The following MACROD2 variants were observed in gnomAD, a reference collection of about 807,000 sequenced individuals.
The protein encoded by MACROD2 is ADP-ribose glycohydrolase MACROD2.
Under a neutral mutation model 70.4 loss-of-function variants are expected in MACROD2, and 36 were observed. The ratio of observed to expected loss-of-function variants is 0.51; its 90% CI spans 0.39 to 0.68. The LOEUF (loss-of-function observed/expected upper bound fraction) is 0.68, where lower values mean the gene tolerates loss of function less well. Among genes scored for constraint, MACROD2 ranks in the 30% least tolerant of loss-of-function variants. The probability of loss-of-function intolerance (pLI) is 0.00; values close to 1 mark genes in which losing one functional copy is unlikely to be tolerated. For synonymous variants in MACROD2, 172 were observed against 178.8 expected (o/e 0.96, Z 0.30); for missense variants, 496 against 538.4 (o/e 0.92, Z 0.78).
chr20:15,321,631 C>A (rs985863109), intron 6 of MACROD2, among the ~76,000 whole-genome samples: 8 of 144,466 alleles, frequency 5.5e-5, no homozygotes, highest in African/African-American at 2.0e-4. Context: ...AATTAGGTGT[C>A]CTCCTTGATT....
At chr20:15,337,636 C>T (rs775971947) in intron 6 of MACROD2, among the ~76,000 whole-genome samples, 4 of 151,572 alleles carry the variant, frequency 2.6e-5, no homozygotes, top group Admixed American at 6.6e-5. Context: ...AAAATTTACT[C>T]TCAACTTTCA....
In MACROD2 at chr20:15,603,504, C is replaced by CA. The variant is rs35734719; in HGVS notation, c.645+103675dup. The stretch of plus-strand genomic sequence containing the variant: ...GCCTGGGTGACAGAGTGAGACGTCT[C>CA]AAAAAAAAAAAAAAAAAAGATATAA... On this transcript the variant is annotated intron_variant, in intron 8 of 17. Transcript: ENST00000684519. Among the ~76,000 whole-genome samples the CA allele has an allele frequency of 9.5e-3, 932 of 97,824 alleles. 14 individuals carry two copies. Among genetic ancestry groups the CA allele is most frequent in the Middle Eastern group, 0.014 (3 of 214 alleles). 64.2% of individuals were successfully genotyped at this position (97,824 alleles called of 152,430 possible). A position where few individuals can be genotyped will look rare whatever the true frequency, so the allele number is the denominator to read the frequency against.
chr20:15,543,109 C>T (rs182497565), intron 8 of MACROD2, among the ~76,000 whole-genome samples: 9 of 152,262 alleles, frequency 5.9e-5, no homozygotes, highest in East Asian at 3.9e-4. Flanking sequence ...TGGAGCTTCC[C>T]GGAATGTTTT....
intron 5 of MACROD2, among the ~76,000 whole-genome samples, chr20:14,822,519 G>C (rs985322304): frequency 6.6e-6 from 1 of 152,120 alleles, no homozygotes; most frequent in Non-Finnish European, 1.5e-5. Context: ...GGTCTGGAGA[G>C]TGAAAGTGTT....
intron 9 of MACROD2, 103 bp from the exon 10 acceptor site, chr20:15,885,661 C>T: frequency 9.3e-7 from 1 of 1,079,852 alleles, no homozygotes; most frequent in South Asian, 2.0e-5. Context: ...TTCTACTGAT[C>T]TGTTATCCCT....
intron 10 of MACROD2, among the ~76,000 whole-genome samples, chr20:15,898,735 A>T (rs2065014654): frequency 6.6e-6 from 1 of 151,892 alleles, no homozygotes; most frequent in Non-Finnish European, 1.5e-5. Flanking sequence ...CAAAGCAAAT[A>T]CTGATTTCAG....
rs2067473759 is a variant in MACROD2 at position 16,052,662 on chromosome 20, A to G, written c.*2786A>G. On this transcript the variant is annotated 3_prime_UTR_variant, in exon 18 of 18. Transcript: ENST00000684519. ...ATCACTGTCTGTGATACTGGGTCAC[A>G]TATTAATCACTGCAGCTAATTGTAA... 1 of 152,684 alleles carries G rather than the reference A, an allele frequency of 6.5e-6. No homozygotes were observed. Among genetic ancestry groups the G allele is most frequent in the Non-Finnish European group, 1.5e-5 (1 of 68,044 alleles). 9.5% of individuals were successfully genotyped at this position (152,684 alleles called of 1,614,324 possible).
At chr20:14,553,177 CT>C (rs1310620322) in intron 4 of MACROD2, among the ~76,000 whole-genome samples, 2 of 149,382 alleles carry the variant, frequency 1.3e-5, no homozygotes, top group Admixed American at 1.3e-4. Flanking sequence ...ATTAAAATTT[CT>C]TTTTTTTTAC....
chr20:15,283,500 C>T (rs1021946604), intron 6 of MACROD2, among the ~76,000 whole-genome samples: 1 of 151,976 alleles, frequency 6.6e-6, no homozygotes. Flanking sequence ...TGGTGAAACT[C>T]CATCTCTACT....
chr20:16,004,470 C>G (rs2066759587), intron 15 of MACROD2, among the ~76,000 whole-genome samples: 1 of 152,208 alleles, frequency 6.6e-6, no homozygotes, highest in African/African-American at 2.4e-5. Context: ...ATGCCAGGGC[C>G]ACGACTACTC....
intron 5 of MACROD2, among the ~76,000 whole-genome samples, chr20:15,011,318 G>T (rs565484612): frequency 6.6e-6 from 1 of 152,130 alleles, no homozygotes; most frequent in Admixed American, 6.5e-5. Context: ...GAGAGGAATC[G>T]GGGTGGGGTA....
chr20:15,866,492 T>C (rs1368141593), intron 9 of MACROD2, among the ~76,000 whole-genome samples: 1 of 151,930 alleles, frequency 6.6e-6, no homozygotes, highest in Non-Finnish European at 1.5e-5. Flanking sequence ...AGCAACTATA[T>C]GAAACAAATT....
chr20:15,237,811 C>G (rs573501554), intron 6 of MACROD2, among the ~76,000 whole-genome samples: 1 of 151,808 alleles, frequency 6.6e-6, no homozygotes, highest in South Asian at 2.1e-4. Flanking sequence ...TTTTATCTTT[C>G]CCCCTTCATC....
At chr20:14,351,791 G>C (rs1479161231) in intron 3 of MACROD2, among the ~76,000 whole-genome samples, 1 of 152,152 alleles carries the variant, frequency 6.6e-6, no homozygotes, top group Admixed American at 6.5e-5. Context: ...ACAGTGGTGA[G>C]AGTGGGCATC....
chr20:14,340,747 T>C (rs1255649586), intron 3 of MACROD2, among the ~76,000 whole-genome samples: 1 of 152,200 alleles, frequency 6.6e-6, no homozygotes, highest in East Asian at 1.9e-4. Context: ...CGTGAGAAAG[T>C]GCATTTCAGA....
Position 15,177,942 on chromosome 20 carries a change from C to CT in MACROD2, c.419-51986dup, listed in dbSNP as rs1160389671. Among the ~76,000 whole-genome samples, 866 of 145,128 alleles carry CT rather than the reference C, an allele frequency of 6.0e-3. 5 individuals carry two copies. The highest frequency in any genetic ancestry group is 0.015 in the East Asian group (74 of 5,000). ...TCCTGGTATAATGAAAAATGGCATG[C>CT]TTTTTTTTTTTTCTTTCTCTGTAGT... On this transcript the variant is annotated intron_variant, in intron 5 of 17. Transcript: ENST00000684519.
intron 4 of MACROD2, among the ~76,000 whole-genome samples, chr20:14,642,931 C>T (rs1985175523): frequency 6.6e-6 from 1 of 151,554 alleles, no homozygotes; most frequent in African/African-American, 2.4e-5. Context: ...TTGCCACAAA[C>T]CTTCAGTTTG....
chr20:15,477,415 A>AT (rs967621600), intron 7 of MACROD2, among the ~76,000 whole-genome samples: 2 of 151,988 alleles, frequency 1.3e-5, no homozygotes, highest in African/African-American at 4.8e-5. Context: ...TTTAAATCAG[A>AT]TTTTTAATGA....
intron 3 of MACROD2, among the ~76,000 whole-genome samples, chr20:14,217,693 A>G (rs1177710353): frequency 6.6e-6 from 1 of 151,906 alleles, no homozygotes; most frequent in African/African-American, 2.4e-5. Flanking sequence ...ACTGCTTGTT[A>G]TTGGTCTGTT....
Sources: gnomAD v4.1 joint callset for allele counts (sites outside exome capture counted in the v4.1 genomes callset) on GRCh38, gnomAD v4.1.1 for gene constraint, MANE v1.5 for transcripts, NCBI Gene and HGNC (gene_info 2026-07-23, HGNC 2026-07-21) for gene names.